Variants in PHACTR1 observed in about 807,000 individuals in gnomAD.
The protein encoded by PHACTR1 is phosphatase and actin regulator 1.
In PHACTR1, 16 loss-of-function variants were observed where a neutral mutation model predicts 69.2. The ratio of observed to expected loss-of-function variants is 0.23; its 90% confidence interval spans 0.16 to 0.35. The LOEUF (loss-of-function observed/expected upper bound fraction) is 0.35, where lower values mean the gene tolerates loss of function less well. PHACTR1 is among the 10% of genes least tolerant of loss of function. The probability of loss-of-function intolerance (pLI) is 1.00; values close to 1 mark genes in which losing one functional copy is unlikely to be tolerated. For missense variants in PHACTR1, 510 were observed against 734.7 expected (o/e 0.69, Z 3.54); for synonymous variants, 312 against 284.5 (o/e 1.10, Z -0.97).
chr6:13,013,206 T>C (rs1298373096), intron 4 of PHACTR1, among the ~76,000 whole-genome samples: 1 of 152,240 alleles, frequency 6.6e-6, no homozygotes, highest in Non-Finnish European at 1.5e-5. Flanking sequence ...GCAAATTGTT[T>C]CTGAGTTTTG....
chr6:13,135,437 T>A (rs1821400040), intron 5 of PHACTR1, among the ~76,000 whole-genome samples: 2 of 152,246 alleles, frequency 1.3e-5, no homozygotes, highest in South Asian at 4.1e-4. Flanking sequence ...ATTCTTCAGG[T>A]CAGCCCCAGT....
At chr6:13,172,010 G>A (rs527842701) in intron 6 of PHACTR1, among the ~76,000 whole-genome samples, 7 of 152,026 alleles carry the variant, frequency 4.6e-5, no homozygotes, top group South Asian at 2.1e-4. Context: ...CAGGTGATCC[G>A]CTCACCTTGG....
intron 4 of PHACTR1, among the ~76,000 whole-genome samples, chr6:12,770,323 G>A (rs576149637): frequency 6.6e-6 from 1 of 152,296 alleles, no homozygotes; most frequent in Admixed American, 6.5e-5. Context: ...TCGTTTTTGG[G>A]AACATGAGTC....
At chr6:12,998,511 A>G (rs1236706433) in intron 4 of PHACTR1, among the ~76,000 whole-genome samples, 1 of 151,390 alleles carries the variant, frequency 6.6e-6, no homozygotes, top group East Asian at 1.9e-4. Context: ...CACTTACTCA[A>G]GAGGCTGAGG....
At chr6:13,239,638 A>G (rs778699133) in intron 10 of PHACTR1, among the ~76,000 whole-genome samples, 92 of 152,364 alleles carry the variant, frequency 6.0e-4, no homozygotes, top group Non-Finnish European at 2.2e-4. Flanking sequence ...GCATTGAGCC[A>G]TGGGTCACAG....
At chr6:13,223,938 C>T (rs1562021799) in intron 8 of PHACTR1, among the ~76,000 whole-genome samples, 1 of 152,056 alleles carries the variant, frequency 6.6e-6, no homozygotes, top group East Asian at 1.9e-4. Flanking sequence ...CTAACCAAGT[C>T]CAGAGCACCA....
At chr6:13,009,454 A>AGTAATTT (rs1799195976) in intron 4 of PHACTR1, among the ~76,000 whole-genome samples, 1 of 152,144 alleles carries the variant, frequency 6.6e-6, no homozygotes, top group South Asian at 2.1e-4. Flanking sequence ...ATTTGAGTAC[A>AGTAATTT]CTTCCATTGC....
chr6:12,938,429 C>T (rs1200041415), intron 4 of PHACTR1, among the ~76,000 whole-genome samples: 3 of 152,132 alleles, frequency 2.0e-5, no homozygotes, highest in African/African-American at 4.8e-5. Flanking sequence ...AACCCGTGCA[C>T]ACCATCAGCA....
At chr6:13,037,364 C>G (rs1030986946) in intron 4 of PHACTR1, among the ~76,000 whole-genome samples, 2 of 152,196 alleles carry the variant, frequency 1.3e-5, no homozygotes, top group African/African-American at 4.8e-5. Flanking sequence ...CAGAGATCCA[C>G]CCACTAGAGC....
chr6:13,162,934 C>G (rs1407344068), intron 6 of PHACTR1, among the ~76,000 whole-genome samples: 1 of 152,144 alleles, frequency 6.6e-6, no homozygotes, highest in African/African-American at 2.4e-5. Flanking sequence ...ATGGAGCTGA[C>G]ACAGGACCTG....
intron 5 of PHACTR1, among the ~76,000 whole-genome samples, chr6:13,123,000 G>A (rs1818960974): frequency 6.6e-6 from 1 of 152,102 alleles, no homozygotes. Flanking sequence ...CTCAGGAAGT[G>A]CTCACAAGAT....
At chr6:13,117,144 C>T (rs562997184) in intron 5 of PHACTR1, among the ~76,000 whole-genome samples, 82 of 152,282 alleles carry the variant, frequency 5.4e-4, no homozygotes, top group Non-Finnish European at 2.9e-5. Context: ...GTTTCAGAGC[C>T]GCTGACACTT....
At chr6:13,140,151 G>A (rs1822206964) in intron 5 of PHACTR1, among the ~76,000 whole-genome samples, 1 of 150,982 alleles carries the variant, frequency 6.6e-6, no homozygotes, top group Admixed American at 6.6e-5. Flanking sequence ...ATATTGATGA[G>A]GATGTGGAGA....
intron 10 of PHACTR1, among the ~76,000 whole-genome samples, chr6:13,249,797 C>CAAAAAAA: frequency 1.3e-5 from 1 of 79,902 alleles, no homozygotes; most frequent in Non-Finnish European, 2.8e-5. Flanking sequence ...AACTCCGTCT[C>CAAAAAAA]AAAAAAAAAA....
chr6:13,141,900 CT>C (rs1181426523), intron 5 of PHACTR1, among the ~76,000 whole-genome samples: 1 of 151,880 alleles, frequency 6.6e-6, no homozygotes, highest in Non-Finnish European at 1.5e-5. Flanking sequence ...TTCATTGCCC[CT>C]ATTTGAGGAT....
intron 4 of PHACTR1, among the ~76,000 whole-genome samples, chr6:12,790,624 ATTTG>A (rs1307977416): frequency 6.6e-6 from 1 of 152,182 alleles, no homozygotes; most frequent in Non-Finnish European, 1.5e-5. Flanking sequence ...CTCAGTAAAT[ATTTG>A]CTGGTGAATG....
chr6:12,729,712 G>T (rs1052025026), intron 3 of PHACTR1, among the ~76,000 whole-genome samples: 1 of 152,174 alleles, frequency 6.6e-6, no homozygotes, highest in African/African-American at 2.4e-5. Flanking sequence ...TTAACATACA[G>T]GACACACTGG....
chr6:13,211,253 T>A (rs1021483980), intron 8 of PHACTR1, among the ~76,000 whole-genome samples: 23 of 152,150 alleles, frequency 1.5e-4, no homozygotes, highest in Non-Finnish European at 3.2e-4. Context: ...GTGTGTAGTC[T>A]TTTATCCCTC....
At chr6:12,786,387 A>G (rs1242476038) in intron 4 of PHACTR1, among the ~76,000 whole-genome samples, 3 of 152,270 alleles carry the variant, frequency 2.0e-5, no homozygotes, top group Non-Finnish European at 4.4e-5. Context: ...TCTTTTGTTA[A>G]CAATTAATTT....
Sources: gnomAD v4.1 joint callset for allele counts (sites outside exome capture counted in the v4.1 genomes callset) on GRCh38, gnomAD v4.1.1 for gene constraint, MANE v1.5 for transcripts, NCBI Gene and HGNC (gene_info 2026-07-23, HGNC 2026-07-21) for gene names.